The following GRID1 variants were observed in gnomAD, a reference collection of about 807,000 sequenced individuals.
GRID1 encodes glutamate receptor ionotropic, delta-1.
A neutral mutation model predicts 98.0 loss-of-function variants in GRID1; 28 were observed. That is an observed-to-expected ratio of 0.29 (90% CI 0.21 to 0.39). GRID1 has a LOEUF of 0.39. Among genes scored for constraint, GRID1 ranks in the 10% least tolerant of loss-of-function variants. The pLI is 1.00. For missense variants in GRID1, 1,111 were observed against 1,340.5 expected, an observed-to-expected ratio of 0.83 and a Z score of 2.67; for synonymous variants, 553 against 538.5, an observed-to-expected ratio of 1.03 and a Z score of -0.37.
chr10:86,077,960 A>C (rs1444169600), intron 4 of GRID1, among the ~76,000 whole-genome samples: 1 of 152,242 alleles, frequency 6.6e-6, no homozygotes, highest in Non-Finnish European at 1.5e-5. Context: ...ACTGGGAAGG[A>C]TCCTGTGAGG....
In GRID1 at chr10:86,077,120, C is replaced by G. The variant is rs1306960769; in HGVS notation, c.726+61699G>C. Among the ~76,000 whole-genome samples the G allele has an allele frequency of 3.7e-5, 5 of 136,560 alleles. No individual in the cohort carries two copies. The South Asian group carries it at 1.2e-3, about 34-fold the overall frequency. The allele number at this position is 136,560 out of a possible 152,430, so 89.6% of individuals were successfully genotyped here. ...GGGTGGGACAGTGACAAACGAGGAG[C>G]CTTCCGCGGGGACCATGGTGGGTGA... is the stretch of plus-strand genomic sequence containing the variant. On this transcript the variant is annotated intron_variant, in intron 4 of 15. Transcript: ENST00000327946.
At chr10:86,354,515 G>C (rs996260210) in intron 2 of GRID1, among the ~76,000 whole-genome samples, 1 of 152,224 alleles carries the variant, frequency 6.6e-6, no homozygotes, top group Non-Finnish European at 1.5e-5. Flanking sequence ...CCTCCCTCCT[G>C]CTGGCCATAC....
intron 12 of GRID1, among the ~76,000 whole-genome samples, chr10:85,685,959 G>T (rs1176781502): frequency 6.6e-6 from 1 of 151,856 alleles, no homozygotes; most frequent in Non-Finnish European, 1.5e-5. Context: ...AAACTAAATG[G>T]AAAGATAGAT....
chr10:85,914,582 C>G (rs1180342935), intron 5 of GRID1, among the ~76,000 whole-genome samples: 1 of 152,154 alleles, frequency 6.6e-6, no homozygotes, highest in African/African-American at 2.4e-5. Context: ...CCCAGCTGCC[C>G]TCTGTGGACA....
intron 8 of GRID1, among the ~76,000 whole-genome samples, chr10:85,755,953 C>T (rs1022996415): frequency 1.3e-5 from 2 of 152,124 alleles, no homozygotes; most frequent in Admixed American, 6.5e-5. Context: ...CTGGTAACAG[C>T]TCAGGAACCT....
At chr10:85,871,409 A>G (rs573374272) in intron 5 of GRID1, among the ~76,000 whole-genome samples, 1 of 152,360 alleles carries the variant, frequency 6.6e-6, no homozygotes, top group South Asian at 2.1e-4. Context: ...ATTCTAAGTC[A>G]GGATAAGTCA....
At chr10:85,797,131 A>T (rs1842532545) in intron 8 of GRID1, among the ~76,000 whole-genome samples, 1 of 152,232 alleles carries the variant, frequency 6.6e-6, no homozygotes, top group African/African-American at 2.4e-5. Flanking sequence ...GAATAGCAGG[A>T]TGATATGGTA....
chr10:86,352,389 A>G (rs146052280), intron 2 of GRID1, among the ~76,000 whole-genome samples: 205 of 152,278 alleles, frequency 1.3e-3, no homozygotes, highest in African/African-American at 4.8e-3. Flanking sequence ...AAAACACCAT[A>G]GACAGGTGGA....
intron 2 of GRID1, among the ~76,000 whole-genome samples, chr10:86,228,378 G>T (rs1356873196): frequency 1.3e-5 from 2 of 151,810 alleles, no homozygotes; most frequent in Non-Finnish European, 2.9e-5. Context: ...TCTGGCCTTG[G>T]TCCCCCATCC....
intron 2 of GRID1, among the ~76,000 whole-genome samples, chr10:86,239,375 C>A (rs1362944372): frequency 6.6e-6 from 1 of 152,156 alleles, no homozygotes; most frequent in South Asian, 2.1e-4. Flanking sequence ...AAGGTACTTG[C>A]CTTGTCTCAG....
intron 4 of GRID1, among the ~76,000 whole-genome samples, chr10:86,078,902 G>T (rs1481035678): frequency 6.6e-6 from 1 of 152,250 alleles, no homozygotes; most frequent in Non-Finnish European, 1.5e-5. Flanking sequence ...AACCTGACAG[G>T]TAGACTCCCT....
At chr10:86,209,613 A>G (rs1846079744) in intron 2 of GRID1, among the ~76,000 whole-genome samples, 2 of 152,262 alleles carry the variant, frequency 1.3e-5, no homozygotes, top group Non-Finnish European at 2.9e-5. Flanking sequence ...CAATACGTGG[A>G]TATTTTTTCT....
chr10:85,888,608 C>A (rs181276294), intron 5 of GRID1, among the ~76,000 whole-genome samples: 44 of 152,318 alleles, frequency 2.9e-4, no homozygotes, highest in Admixed American at 4.6e-4. Flanking sequence ...GACAGTGACT[C>A]GAGCTCCTCT....
chr10:85,644,519 A>G (rs1843161932), intron 13 of GRID1, among the ~76,000 whole-genome samples: 1 of 152,122 alleles, frequency 6.6e-6, no homozygotes, highest in Non-Finnish European at 1.5e-5. Context: ...GTTTTATTTT[A>G]CTCAATATTA....
chr10:86,071,524 A>G (rs917544440), intron 4 of GRID1, among the ~76,000 whole-genome samples: 3 of 152,258 alleles, frequency 2.0e-5, no homozygotes, highest in African/African-American at 7.2e-5. Flanking sequence ...CTCTGAAAGC[A>G]ACACCTTTCT....
chr10:86,357,883 G>C (rs985111057), intron 2 of GRID1, among the ~76,000 whole-genome samples: 4 of 152,182 alleles, frequency 2.6e-5, no homozygotes, highest in African/African-American at 7.2e-5. Flanking sequence ...GGGACCCCGG[G>C]CGGCAAAGCA....
chr10:86,072,997 C>T (rs1843825334), intron 4 of GRID1, among the ~76,000 whole-genome samples: 1 of 152,184 alleles, frequency 6.6e-6, no homozygotes, highest in Non-Finnish European at 1.5e-5. Flanking sequence ...AAATTCTCAT[C>T]CAGATGTGTG....
At chr10:85,995,577 A>G (rs1243063211) in intron 4 of GRID1, among the ~76,000 whole-genome samples, 1 of 152,276 alleles carries the variant, frequency 6.6e-6, no homozygotes, top group Non-Finnish European at 1.5e-5. Context: ...GACAGAATGC[A>G]TGTGGCAGCT....
At chr10:85,840,197 C>T (rs147477020) in intron 8 of GRID1, among the ~76,000 whole-genome samples, 2,575 of 152,182 alleles carry the variant, frequency 0.017, 79 homozygotes, top group Admixed American at 0.069. Context: ...GGTACTATTC[C>T]TACTGAAACT....
Sources: allele counts gnomAD v4.1 joint callset (sites outside exome capture counted in the v4.1 genomes callset), GRCh38; gene constraint gnomAD v4.1.1; transcripts MANE v1.5; gene names NCBI Gene and HGNC (gene_info 2026-07-23, HGNC 2026-07-21).